ZSCAN9: variants seen among roughly 807,000 people sequenced by gnomAD.
The protein encoded by ZSCAN9 is zinc finger and SCAN domain containing 9, also known as zinc finger and SCAN domain-containing protein 9.
Under a neutral mutation model 23.0 loss-of-function variants are expected in ZSCAN9, and 19 were observed. The ratio of observed to expected loss-of-function variants is 0.83; its 90% CI spans 0.58 to 1.21. The LOEUF is 1.21. ZSCAN9 is among the 50% of genes most tolerant of loss of function. The probability of loss-of-function intolerance (pLI) is 0.00; values close to 1 mark genes in which losing one functional copy is unlikely to be tolerated. For synonymous variants in ZSCAN9, 155 were observed against 164.8 expected (o/e 0.94, Z 0.46); for missense variants, 467 against 471.5 (o/e 0.99, Z 0.09).
At chr6:28,229,207 C>T (rs557760624) in intron 3 of ZSCAN9, 8 of 152,114 alleles carry the variant, frequency 5.3e-5, no homozygotes, top group African/African-American at 9.7e-5. Flanking sequence ...CTGTGCAGAC[C>T]TTCTTATAGC....
chr6:28,229,544 C>A (rs768782082), intron 3 of ZSCAN9, among the ~76,000 whole-genome samples: 1 of 152,052 alleles, frequency 6.6e-6, no homozygotes, highest in Non-Finnish European at 1.5e-5. Flanking sequence ...AGGATATCAG[C>A]GCAGGTATGT....
Position 28,232,907 on chromosome 6 carries a change from A to G in ZSCAN9, c.914A>G (p.Asn305Ser), listed in dbSNP as rs778944173. Residue 305 changes from asparagine (N) to serine (S), a missense_variant, in exon 4 of 4, where the codon AAT becomes AGT. By Grantham distance (46) the Asn-to-Ser change is conservative. Transcript: ENST00000252207. ...SGLFNHRGIH[N>S]IQKRYHCKEC... ...CTTTTTAATCACCGAGGAATCCACA[A>G]TATACAGAAACGGTACCACTGCAAG... The G allele has an allele frequency of 5.6e-6, 9 of 1,614,056 alleles. No homozygotes were observed. The highest frequency in any genetic ancestry group is 1.3e-5 in the African/African-American group (1 of 74,914).
intron 1 of ZSCAN9, among the ~76,000 whole-genome samples, chr6:28,226,465 T>C (rs1057151954): frequency 3.9e-5 from 6 of 152,272 alleles, no homozygotes; most frequent in Non-Finnish European, 8.8e-5. Flanking sequence ...TCAAACTTTT[T>C]ATTCAGACTT....
chr6:28,227,996 C>A, intron 3 of ZSCAN9, 159 bp downstream of exon 3: 1 of 891,368 alleles, frequency 1.1e-6, no homozygotes, highest in Non-Finnish European at 1.8e-6. Flanking sequence ...ATCTTTGACC[C>A]TTCTCCCTGC....
rs760284969 is a variant in ZSCAN9 at position 28,227,888 on chromosome 6, A to T, written c.568+51A>T. On this transcript the variant is annotated intron_variant, in intron 3 of 3. Transcript: ENST00000252207. ...TGAACGAATCCCACCTGGTCAAGCA[A>T]AAACAAACAATAAACCCAGAGCTGG... 2.5e-6 allele frequency: 4 copies of T among 1,605,030 alleles called. No homozygotes were observed. In the South Asian group the frequency reaches 4.4e-5, roughly 18 times the overall value.
At position 28,227,370 on chromosome 6, in the gene ZSCAN9, G is replaced by T. The variant is rs745668531; in HGVS notation, c.286G>T (p.Val96Leu). The change falls in exon 2 of 4, where the codon GTG becomes TTG. Residue 96 changes from valine to leucine, a missense_variant. Coordinates refer to ENST00000252207, the MANE Select transcript of ZSCAN9 (RefSeq NM_006299.5). ...AAAGGAGCAGATTTTGGATCTGCTG[G>T]TGCTGGAGCAGTTTCTATCCATTCT... is the stretch of plus-strand genomic sequence containing the variant. ...STKEQILDLL[V>L]LEQFLSILPK... 3 of 1,614,230 alleles carry T rather than the reference G, an allele frequency of 1.9e-6. No homozygotes were observed. The highest frequency in any genetic ancestry group is 3.3e-4 in the Middle Eastern group (2 of 6,062).
At chr6:28,226,239 A>T (rs1023192196) in intron 1 of ZSCAN9, among the ~76,000 whole-genome samples, 6 of 152,244 alleles carry the variant, frequency 3.9e-5, no homozygotes, top group Non-Finnish European at 5.9e-5. Context: ...GTTATTCTTC[A>T]GTAGCAGCAG....
intron 1 of ZSCAN9, among the ~76,000 whole-genome samples, chr6:28,226,154 C>T (rs181228109): frequency 2.0e-4 from 30 of 152,272 alleles, no homozygotes; most frequent in Admixed American, 1.0e-3. Context: ...TATAATAAAA[C>T]CTCAGTGGGT....
In ZSCAN9 at chr6:28,232,961, C is replaced by A. The variant is rs769731394; in HGVS notation, c.968C>A (p.Ala323Glu). The A allele has an allele frequency of 3.1e-6, 5 of 1,613,998 alleles. No individual in the cohort carries two copies. The highest frequency in any genetic ancestry group is 4.2e-6 in the Non-Finnish European group (5 of 1,180,046). ...TGTGGGAAGGTCTTCAGTCAGAGTG[C>A]GGGTCTTATCCAGCATCAGAGAATC... ...KECGKVFSQS[A>E]GLIQHQRIHK... Residue 323 changes from alanine to glutamate, a missense_variant, in exon 4 of 4, where the codon GCG (alanine) becomes GAG (glutamate). Ala to Glu is a moderately radical substitution (Grantham distance 107, BLOSUM62 -1). Coordinates refer to ENST00000252207, the MANE Select transcript of ZSCAN9 (RefSeq NM_006299.5).
intron 3 of ZSCAN9, among the ~76,000 whole-genome samples, chr6:28,229,589 A>C (rs1760227983): frequency 6.6e-6 from 1 of 152,230 alleles, no homozygotes; most frequent in African/African-American, 2.4e-5. Flanking sequence ...ATTATAAAAC[A>C]ACATAGTGTT....
chr6:28,233,205 A>T lies in ZSCAN9; in HGVS notation c.*27A>T. The T allele has an allele frequency of 6.3e-7, 1 of 1,596,906 alleles. No homozygotes were observed. Among genetic ancestry groups the T allele is most frequent in the Non-Finnish European group, 8.6e-7 (1 of 1,169,446 alleles). The stretch of plus-strand genomic sequence containing the variant: ...GCTTGGCTATGAGCAAGTTTTCCAG[A>T]TCACCACCCAAGTTGTGTGGGGCAG... On this transcript the variant is annotated 3_prime_UTR_variant, in exon 4 of 4. Coordinates refer to ENST00000252207, the MANE Select transcript of ZSCAN9 (RefSeq NM_006299.5).
In ZSCAN9 at chr6:28,233,325, T is replaced by C. The variant is rs76437128; in HGVS notation, c.*147T>C. 7,555 of 1,411,384 alleles carry C rather than the reference T, an allele frequency of 5.4e-3. 37 individuals are homozygous for C. The highest frequency in any genetic ancestry group is 5.5e-3 in the Non-Finnish European group (5,864 of 1,072,436). 87.4% of individuals were successfully genotyped at this position (1,411,384 alleles called of 1,614,324 possible). ...GCCCAGGGACTTCCTTAAAGGAAAG[T>C]TGGGTGTTTGAAGCTACTGTTTTCT... On this transcript the variant is annotated 3_prime_UTR_variant, in exon 4 of 4. Transcript: ENST00000252207.
chr6:28,225,682 C>T (rs1009728063), intron 1 of ZSCAN9, among the ~76,000 whole-genome samples: 1 of 152,178 alleles, frequency 6.6e-6, no homozygotes, highest in Admixed American at 6.5e-5. Flanking sequence ...GCAGCCTTCA[C>T]GATGGAGAAC....
chr6:28,230,019 G>T (rs987213136), intron 3 of ZSCAN9, among the ~76,000 whole-genome samples: 1 of 152,142 alleles, frequency 6.6e-6, no homozygotes, highest in Non-Finnish European at 1.5e-5. Flanking sequence ...CACCATGCCC[G>T]GCTAATGTTT....
intron 3 of ZSCAN9, among the ~76,000 whole-genome samples, chr6:28,229,792 C>T (rs1760237091): frequency 6.6e-6 from 1 of 151,978 alleles, no homozygotes; most frequent in Non-Finnish European, 1.5e-5. Context: ...TGTCACTTTG[C>T]TGCATATTTT....
At chr6:28,229,474 T>G (rs1486422022) in intron 3 of ZSCAN9, among the ~76,000 whole-genome samples, 1 of 152,186 alleles carries the variant, frequency 6.6e-6, no homozygotes, top group Non-Finnish European at 1.5e-5. Context: ...TTATTAAGCA[T>G]CTACTATGGC....
rs746237454 is a variant in ZSCAN9, at chr6:28,227,714, G to C, written c.445G>C (p.Glu149Gln). 4.4e-6 allele frequency: 7 copies of C among 1,603,844 alleles called. No individual in the cohort carries two copies. The highest frequency in any genetic ancestry group is 5.9e-6 in the Non-Finnish European group (7 of 1,177,648). Residue 149 changes from glutamate to glutamine, a missense_variant, in exon 3 of 4, where the codon GAA becomes CAA. Transcript: ENST00000252207. ...HEMVAHRHRQ[E>Q]VLCKEMVPLA... ...GATGGTGGCCCACAGACACAGACAA[G>C]AAGTCCTCTGTAAAGAGATGGTGCC... is the stretch of plus-strand genomic sequence containing the variant.
At chr6:28,230,380 G>A (rs999792133) in intron 3 of ZSCAN9, 1 of 1,536,042 alleles carries the variant, frequency 6.5e-7, no homozygotes, top group Non-Finnish European at 8.7e-7. Flanking sequence ...GATCCCACTT[G>A]GGGCCCATCT....
At position 28,227,524 on chromosome 6, in the gene ZSCAN9, A is replaced by G; in HGVS notation, c.420+20A>G. The stretch of plus-strand genomic sequence containing the variant: ...CATGAGGTAGGAAGGGAGATTTGCT[A>G]GAGAAAAATGTGTATTTTGGCATGC... On this transcript the variant is annotated intron_variant, in intron 2 of 3. Transcript: ENST00000252207. 6.4e-7 allele frequency: 1 copy of G among 1,572,444 alleles called. No homozygotes were observed. Among genetic ancestry groups the G allele is most frequent in the Non-Finnish European group, 8.6e-7 (1 of 1,162,766 alleles).
Sources: gnomAD v4.1 joint callset for allele counts (sites outside exome capture counted in the v4.1 genomes callset) on GRCh38, gnomAD v4.1.1 for gene constraint, MANE v1.5 for transcripts, NCBI Gene and HGNC (gene_info 2026-07-23, HGNC 2026-07-21) for gene names.